Variants in ATP6V1H observed in about 807,000 individuals in gnomAD.
The protein encoded by ATP6V1H is ATPase H+ transporting V1 subunit H, also known as V-type proton ATPase subunit H.
A neutral mutation model predicts 71.7 loss-of-function variants in ATP6V1H; 39 were observed. The ratio of observed to expected loss-of-function variants is 0.54; its 90% CI spans 0.42 to 0.71. ATP6V1H has a LOEUF of 0.71. ATP6V1H is among the 30% of genes least tolerant of loss of function. The pLI, the probability that ATP6V1H is intolerant of heterozygous loss-of-function variation, is 0.00. For synonymous variants in ATP6V1H, 192 were observed against 199.3 expected, an observed-to-expected ratio of 0.96 and a Z score of 0.31; for missense variants, 509 against 594.9, an observed-to-expected ratio of 0.86 and a Z score of 1.50.
At position 53,769,758 on chromosome 8, in the gene ATP6V1H, A is replaced by C; in HGVS notation, c.1050-15T>G. On this transcript the variant is annotated splice_polypyrimidine_tract_variant and intron_variant, in intron 10 of 13. Transcript: ENST00000359530. ...CATCAAATGAACTATAAAAATGTTCAAAAGAATTCAAGGTTTATAAGAATC... is the reference window on the plus strand; with the variant it reads ...CATCAAATGAACTATAAAAATGTTCCAAAGAATTCAAGGTTTATAAGAATC... The C allele has an allele frequency of 6.3e-7, 1 of 1,587,594 alleles. No homozygotes were observed. The highest frequency in any genetic ancestry group is 8.6e-7 in the Non-Finnish European group (1 of 1,168,484).
chr8:53,736,769 G>C (rs1807219329), intron 13 of ATP6V1H, among the ~76,000 whole-genome samples: 1 of 152,098 alleles, frequency 6.6e-6, no homozygotes, highest in Admixed American at 6.6e-5. Context: ...TCTCACAGGG[G>C]GGAATAAGGA....
chr8:53,736,994 C>G (rs1383202041), intron 13 of ATP6V1H, among the ~76,000 whole-genome samples: 2 of 152,200 alleles, frequency 1.3e-5, no homozygotes, highest in Non-Finnish European at 2.9e-5. Context: ...CTGTTCTGTT[C>G]TGTCTTGATT....
chr8:53,774,076 G>C (rs889210039), intron 9 of ATP6V1H, among the ~76,000 whole-genome samples: 2 of 152,168 alleles, frequency 1.3e-5, no homozygotes, highest in Admixed American at 1.3e-4. Flanking sequence ...ATACCAAAAG[G>C]AGAGGAGGAA....
At chr8:53,831,116 A>T (rs1810992734) in intron 3 of ATP6V1H, among the ~76,000 whole-genome samples, 1 of 152,220 alleles carries the variant, frequency 6.6e-6, no homozygotes, top group Non-Finnish European at 1.5e-5. Flanking sequence ...AAGATTATAA[A>T]CACTTCCATA....
At position 53,795,771 on chromosome 8, in the gene ATP6V1H, A is replaced by C; in HGVS notation, c.746T>G (p.Leu249Arg). The C allele has an allele frequency of 6.2e-7, 1 of 1,614,116 alleles. No homozygotes were observed. Among genetic ancestry groups the C allele is most frequent in the African/African-American group, 1.3e-5 (1 of 75,034 alleles). The change falls in exon 9 of 14, where the codon CTC becomes CGC. Residue 249 changes from leucine (L) to arginine (R), a missense_variant. By Grantham distance (102) the Leu-to-Arg change is moderately radical (BLOSUM62 -2). This residue lies in a region of ATP6V1H where 212 missense variants were observed against 291.6 expected (regional missense o/e 0.73). Coordinates refer to ENST00000359530, the MANE Select transcript of ATP6V1H (RefSeq NM_015941.4). ...ACACATTTGAGGACTGAATGCCAGG[A>C]GCCATATTGAAAAAATCATTTGATA... ...LQYQMIFSIW[L>R]LAFSPQMCEH...
rs56325119 is a variant in ATP6V1H at position 53,758,891 on chromosome 8, G to T, written c.1176-2235C>A. Among the ~76,000 whole-genome samples the T allele has an allele frequency of 2.1e-3, 319 of 152,296 alleles. 1 individual carries two copies. Among genetic ancestry groups the T allele is most frequent in the African/African-American group, 7.2e-3 (300 of 41,550 alleles). ...AGTAATTTGGGACAGAAACAAAATG[G>T]TTCAAAAAGTCTAAAATATTTACTA... On this transcript the variant is annotated intron_variant, in intron 11 of 13. Coordinates refer to ENST00000359530, the MANE Select transcript of ATP6V1H (RefSeq NM_015941.4).
intron 6 of ATP6V1H, among the ~76,000 whole-genome samples, chr8:53,811,671 TATA>T (rs1243191471): frequency 6.6e-6 from 1 of 152,170 alleles, no homozygotes; most frequent in Non-Finnish European, 1.5e-5. Context: ...GCTAATGAAT[TATA>T]ATGACAATCA....
chr8:53,817,605 T>C, intron 4 of ATP6V1H, 75 bp from the exon 5 acceptor site: 1 of 854,330 alleles, frequency 1.2e-6, no homozygotes, highest in Non-Finnish European at 1.9e-6. Context: ...GCACCACTTC[T>C]CAACCTCCCA....
intron 12 of ATP6V1H, among the ~76,000 whole-genome samples, chr8:53,750,759 G>A (rs777660452): frequency 7.9e-5 from 12 of 152,086 alleles, no homozygotes; most frequent in Non-Finnish European, 1.8e-4. Flanking sequence ...CCACCGAGAA[G>A]TTAATGACAA....
chr8:53,819,310 T>A (rs896963487), intron 4 of ATP6V1H, among the ~76,000 whole-genome samples: 1 of 151,008 alleles, frequency 6.6e-6, no homozygotes, highest in Non-Finnish European at 1.5e-5. Flanking sequence ...GACAAGCAGA[T>A]CACTTGAGGT....
Position 53,795,759 on chromosome 8 carries a change from C to A in ATP6V1H, c.758G>T (p.Ser253Ile). 1.2e-6 allele frequency: 2 copies of A among 1,613,994 alleles called. No individual in the cohort carries two copies. Among genetic ancestry groups the A allele is most frequent in the Non-Finnish European group, 1.7e-6 (2 of 1,179,996 alleles). The change falls in exon 9 of 14, where the codon AGT becomes ATT. Residue 253 changes from serine to isoleucine, a missense_variant. Physicochemically the swap from Ser to Ile is moderately radical, Grantham distance 142. Coordinates refer to ENST00000359530, the MANE Select transcript of ATP6V1H (RefSeq NM_015941.4). ...CCGCAGGTGTTCACACATTTGAGGACTGAATGCCAGGAGCCATATTGAAAA... is the reference window on the plus strand; with the variant it reads ...CCGCAGGTGTTCACACATTTGAGGAATGAATGCCAGGAGCCATATTGAAAA... Reference protein sequence around the residue: ...MIFSIWLLAFSPQMCEHLRRY... With the variant: ...MIFSIWLLAFIPQMCEHLRRY...
At chr8:53,769,052 T>G (rs1257355144) in intron 11 of ATP6V1H, among the ~76,000 whole-genome samples, 1 of 152,036 alleles carries the variant, frequency 6.6e-6, no homozygotes, top group Non-Finnish European at 1.5e-5. Flanking sequence ...TAGATATCTA[T>G]GGAAAGAAAA....
chr8:53,783,974 T>C (rs778744654), intron 9 of ATP6V1H, among the ~76,000 whole-genome samples: 1 of 152,262 alleles, frequency 6.6e-6, no homozygotes, highest in Non-Finnish European at 1.5e-5. Flanking sequence ...ATGTGGTCAA[T>C]TTTGGAATAG....
At chr8:53,740,164 T>TATAA (rs1807362671) in intron 13 of ATP6V1H, among the ~76,000 whole-genome samples, 2 of 152,318 alleles carry the variant, frequency 1.3e-5, no homozygotes, top group Admixed American at 6.5e-5. Flanking sequence ...TTTAACTCCT[T>TATAA]ATAACAGAAT....
At chr8:53,840,795 C>T (rs763413522) in intron 2 of ATP6V1H, among the ~76,000 whole-genome samples, 19 of 152,150 alleles carry the variant, frequency 1.2e-4, no homozygotes, top group Non-Finnish European at 2.6e-4. Flanking sequence ...TTTCAAAATG[C>T]ATATGCAAAT....
At chr8:53,772,433 C>T (rs538747985) in intron 9 of ATP6V1H, among the ~76,000 whole-genome samples, 3 of 152,270 alleles carry the variant, frequency 2.0e-5, no homozygotes, top group East Asian at 1.9e-4. Flanking sequence ...ACACTGAACA[C>T]GTTTACAATG....
chr8:53,770,517 T>C (rs1457559048), intron 10 of ATP6V1H, among the ~76,000 whole-genome samples: 1 of 152,192 alleles, frequency 6.6e-6, no homozygotes, highest in Non-Finnish European at 1.5e-5. Context: ...CAGGATGTAC[T>C]AGATAAGTTG....
chr8:53,767,121 A>C (rs373443781), intron 11 of ATP6V1H, among the ~76,000 whole-genome samples: 197 of 152,086 alleles, frequency 1.3e-3, no homozygotes, highest in African/African-American at 4.2e-3. Flanking sequence ...CTGTCCCTTT[A>C]TTTCTCAAGC....
intron 12 of ATP6V1H, among the ~76,000 whole-genome samples, chr8:53,749,163 A>C (rs147611772): frequency 6.6e-6 from 1 of 152,340 alleles, no homozygotes; most frequent in East Asian, 1.9e-4. Flanking sequence ...TGGAAGCATT[A>C]ATATATTCAG....
Sources: gnomAD v4.1 joint callset for allele counts (sites outside exome capture counted in the v4.1 genomes callset) on GRCh38, gnomAD v4.1.1 for gene constraint, gnomAD v4.1.1 regional missense constraint, MANE v1.5 for transcripts, NCBI Gene and HGNC (gene_info 2026-07-23, HGNC 2026-07-21) for gene names.